The following APOBEC2 variants were observed in gnomAD, a reference collection of about 807,000 sequenced individuals.
APOBEC2 encodes C->U-editing enzyme APOBEC-2.
Under a neutral mutation model 19.4 loss-of-function variants are expected in APOBEC2, and 14 were observed. The observed-to-expected ratio is 0.72, with a 90% CI of 0.48 to 1.13. The LOEUF (loss-of-function observed/expected upper bound fraction) is 1.13, where lower values mean the gene tolerates loss of function less well. Ranked by LOEUF, APOBEC2 falls within the 50% of genes most tolerant of loss-of-function variation. APOBEC2 has a pLI of 0.00. For synonymous variants in APOBEC2, 127 were observed against 112.1 expected, an observed-to-expected ratio of 1.13 and a Z score of -0.84; for missense variants, 304 against 277.0, an observed-to-expected ratio of 1.10 and a Z score of -0.69.
chr6:41,059,448 G>T (rs1762845482), intron 1 of APOBEC2, among the ~76,000 whole-genome samples: 1 of 152,200 alleles, frequency 6.6e-6, no homozygotes, highest in Non-Finnish European at 1.5e-5. Context: ...GTGGTCTGGT[G>T]GGGTGAGTAC....
Position 41,061,615 on chromosome 6 carries a change from G to GC in APOBEC2, c.420dup (p.Lys141GlnfsTer35), listed in dbSNP as rs1338673505. On this transcript the variant is annotated frameshift_variant, in exon 2 of 3. Coordinates refer to ENST00000244669, the MANE Select transcript of APOBEC2 (RefSeq NM_006789.4). LOFTEE classifies it high-confidence loss of function. ...GCTGACCGCATTATCAAAACCCTTA[G>GC]CAAGACCAAGAACCTGCGTCTGCTC... 2 of 1,614,092 alleles carry GC rather than the reference G, an allele frequency of 1.2e-6. No homozygotes were observed. Among genetic ancestry groups the GC allele is most frequent in the African/African-American group, 2.7e-5 (2 of 74,930 alleles).
intron 1 of APOBEC2, among the ~76,000 whole-genome samples, chr6:41,055,636 T>C (rs1272009203): frequency 6.6e-6 from 1 of 152,140 alleles, no homozygotes; most frequent in African/African-American, 2.4e-5. Context: ...GCAGGTAGCT[T>C]TTCCGGAAAC....
chr6:41,061,686 G>A lies in APOBEC2; in HGVS notation c.490G>A (p.Ala164Thr). The A allele has an allele frequency of 1.2e-6, 2 of 1,614,250 alleles. No individual in the cohort carries two copies. Residue 164 changes from alanine to threonine, a missense_variant, in exon 2 of 3, where the codon GCT becomes ACT. Transcript: ENST00000244669. ...CATGTGGGAGGAGCCGGAGATCCAG[G>A]CTGCTCTGAAGAAGCTGAAGGAGGC... ...LFMWEEPEIQAALKKLKEAGC... is the reference protein window; with the variant it reads ...LFMWEEPEIQTALKKLKEAGC...
At position 41,053,831 on chromosome 6, in the gene APOBEC2, G is replaced by A. The variant is rs116963702; in HGVS notation, c.131+353G>A. 1.2e-3 allele frequency among the ~76,000 whole-genome samples: 188 copies of A among 152,294 alleles called. 2 individuals carry two copies. The East Asian group carries it at 0.029, about 23-fold the overall frequency. On this transcript the variant is annotated intron_variant, in intron 1 of 2. Transcript: ENST00000244669. ...TTTGGCGAGGACAGAGGATGAGACTGGCACATCTATATGTGGCTCCGTTCA... is the reference window on the plus strand; with the variant it reads ...TTTGGCGAGGACAGAGGATGAGACTAGCACATCTATATGTGGCTCCGTTCA...
At chr6:41,059,647 T>C (rs1204613669) in intron 1 of APOBEC2, among the ~76,000 whole-genome samples, 2 of 152,126 alleles carry the variant, frequency 1.3e-5, no homozygotes. Context: ...AACACATCCA[T>C]CTCCACAGTG....
Position 41,061,327 on chromosome 6 carries a change from G to A in APOBEC2, c.132-1G>A. 6.6e-7 allele frequency: 1 copy of A among 1,524,732 alleles called. No individual in the cohort carries two copies. Among genetic ancestry groups the A allele is most frequent in the Non-Finnish European group, 8.8e-7 (1 of 1,137,374 alleles). 94.5% of individuals were successfully genotyped at this position (1,524,732 alleles called of 1,614,324 possible). On this transcript the variant is annotated splice_acceptor_variant, in intron 1 of 2. Coordinates refer to ENST00000244669, the MANE Select transcript of APOBEC2 (RefSeq NM_006789.4). LOFTEE classifies it high-confidence loss of function. Reference sequence around the variant, plus strand: ...TGTCCTTTTGTCTCCTTGACCTACAGAGAACGGCTGCCTGCCAACTTCTTT... The same window carrying A: ...TGTCCTTTTGTCTCCTTGACCTACAAAGAACGGCTGCCTGCCAACTTCTTT...
intron 2 of APOBEC2, 128 bp from the exon 3 acceptor site, chr6:41,063,973 A>G (rs1762917663): frequency 6.6e-6 from 1 of 152,574 alleles, no homozygotes; most frequent in African/African-American, 2.4e-5. Context: ...TGCAAAGGAA[A>G]CTATGGAGGA....
At chr6:41,054,022 C>A (rs1302809134) in intron 1 of APOBEC2, among the ~76,000 whole-genome samples, 1 of 152,172 alleles carries the variant, frequency 6.6e-6, no homozygotes, top group African/African-American at 2.4e-5. Context: ...CTTATTAAAT[C>A]TTTTGAGTCT....
chr6:41,064,355 C>T lies in APOBEC2; in HGVS notation c.*276C>T, dbSNP rs1762927649. ...GCAACCATACATGGGCTCCAGTCAA[C>T]TATGGGACTGAAGGTCCTAATTGCT... On this transcript the variant is annotated 3_prime_UTR_variant, in exon 3 of 3. Transcript: ENST00000244669. 1 of 152,204 alleles carries T rather than the reference C, an allele frequency of 6.6e-6. No individual in the cohort carries two copies. The highest frequency in any genetic ancestry group is 6.5e-5 in the Admixed American group (1 of 15,278). The allele number at this position is 152,204 out of a possible 1,614,324, so 9.4% of individuals were successfully genotyped here. A position where few individuals can be genotyped will look rare whatever the true frequency, so the allele number is the denominator to read the frequency against.
At chr6:41,054,228 C>T (rs1762767892) in intron 1 of APOBEC2, among the ~76,000 whole-genome samples, 1 of 152,184 alleles carries the variant, frequency 6.6e-6, no homozygotes, top group South Asian at 2.1e-4. Flanking sequence ...ATGCCATCTC[C>T]AGGAATAAAA....
rs1239308103 is a variant in APOBEC2, at chr6:41,061,863, C to T, written c.667C>T (p.Leu223=). ...LYYEEKLADI[L]K ...CTACGAGGAGAAGTTGGCAGACATC[C>T]TGAAGTAGGGCAACTGGGCTTTGCC... Residue 223 remains leucine (L), a synonymous_variant, in exon 2 of 3, where the codon CTG becomes TTG. Transcript: ENST00000244669. 2 of 1,612,708 alleles carry T rather than the reference C, an allele frequency of 1.2e-6. No homozygotes were observed. Among genetic ancestry groups the T allele is most frequent in the Non-Finnish European group, 1.7e-6 (2 of 1,179,306 alleles).
At chr6:41,058,993 C>A (rs1356242587) in intron 1 of APOBEC2, among the ~76,000 whole-genome samples, 1 of 152,188 alleles carries the variant, frequency 6.6e-6, no homozygotes, top group Non-Finnish European at 1.5e-5. Context: ...GATGACCTTT[C>A]TTCCTCTCCC....
intron 1 of APOBEC2, among the ~76,000 whole-genome samples, chr6:41,058,399 CCACA>C (rs3049087): frequency 0.12 from 17,753 of 142,522 alleles, 2,804 homozygotes; most frequent in African/African-American, 0.37. Context: ...CACCACCCCA[CCACA>C]CACACACACA....
chr6:41,061,775 G>A lies in APOBEC2; in HGVS notation c.579G>A (p.Glu193=), dbSNP rs1257939438. Reference sequence around the variant, plus strand: ...AATATGTCTGGCAGAATTTTGTGGAGCAAGAAGAGGGTGAATCCAAGGCCT... The same window carrying A: ...AATATGTCTGGCAGAATTTTGTGGAACAAGAAGAGGGTGAATCCAAGGCCT... The part of the protein sequence containing the change: ...DFEYVWQNFV[E]QEEGESKAFQ... Residue 193 remains glutamate, a synonymous_variant, in exon 2 of 3, where the codon GAG becomes GAA. Coordinates refer to ENST00000244669, the MANE Select transcript of APOBEC2 (RefSeq NM_006789.4). 4 of 1,614,126 alleles carry A rather than the reference G, an allele frequency of 2.5e-6. No individual in the cohort carries two copies. The highest frequency in any genetic ancestry group is 2.7e-5 in the African/African-American group (2 of 74,932).
chr6:41,055,194 T>C (rs566242223), intron 1 of APOBEC2, among the ~76,000 whole-genome samples: 1 of 152,294 alleles, frequency 6.6e-6, no homozygotes, highest in East Asian at 1.9e-4. Flanking sequence ...CAGCAAAGTA[T>C]CCTTTCTACT....
chr6:41,057,906 ACT>A (rs1218990492), intron 1 of APOBEC2, among the ~76,000 whole-genome samples: 3 of 152,040 alleles, frequency 2.0e-5, no homozygotes, highest in African/African-American at 4.8e-5. Flanking sequence ...AGATATTTGG[ACT>A]CTCTGTTTCC....
At chr6:41,060,797 G>C (rs531752631) in intron 1 of APOBEC2, among the ~76,000 whole-genome samples, 1 of 152,326 alleles carries the variant, frequency 6.6e-6, no homozygotes, top group African/African-American at 2.4e-5. Flanking sequence ...AGAGAAAAAA[G>C]CATAAAATGC....
intron 1 of APOBEC2, among the ~76,000 whole-genome samples, chr6:41,056,146 G>C (rs545613246): frequency 6.6e-6 from 1 of 152,182 alleles, no homozygotes; most frequent in Non-Finnish European, 1.5e-5. Flanking sequence ...ATGGGGTCTT[G>C]CTTCTTGCTC....
chr6:41,058,233 C>T (rs1762822269), intron 1 of APOBEC2, among the ~76,000 whole-genome samples: 2 of 133,074 alleles, frequency 1.5e-5, no homozygotes, highest in African/African-American at 5.7e-5. Context: ...AAGAAATCTA[C>T]TACCAGCATC....
Sources: allele counts gnomAD v4.1 joint callset (sites outside exome capture counted in the v4.1 genomes callset), GRCh38; gene constraint gnomAD v4.1.1; transcripts MANE v1.5; gene names NCBI Gene and HGNC (gene_info 2026-07-23, HGNC 2026-07-21).